Variants in TCEANC2 observed in about 807,000 individuals in gnomAD.
TCEANC2 encodes the protein transcription elongation factor A N-terminal and central domain-containing protein 2.
In TCEANC2, 20 loss-of-function variants were observed where a neutral mutation model predicts 22.8. That is an observed-to-expected ratio of 0.88 (90% CI 0.62 to 1.28). The LOEUF (loss-of-function observed/expected upper bound fraction) is 1.28. Among genes scored for constraint, TCEANC2 ranks in the 50% most tolerant of loss-of-function variants. The probability of loss-of-function intolerance (pLI) is 0.00; values close to 1 mark genes in which losing one functional copy is unlikely to be tolerated. For synonymous variants in TCEANC2, 84 were observed against 95.5 expected (o/e 0.88, Z 0.70); for missense variants, 251 against 249.7 (o/e 1.01, Z -0.03).
intron 3 of TCEANC2, among the ~76,000 whole-genome samples, chr1:54,080,278 G>C (rs1014377286): frequency 6.6e-6 from 1 of 151,938 alleles, no homozygotes; most frequent in Non-Finnish European, 1.5e-5. Context: ...CGATTAGCTG[G>C]GATTACAGGC....
At chr1:54,077,945 A>C (rs1457994197) in intron 3 of TCEANC2, among the ~76,000 whole-genome samples, 1 of 152,192 alleles carries the variant, frequency 6.6e-6, no homozygotes, top group East Asian at 1.9e-4. Flanking sequence ...CTCCAGCTTA[A>C]CTGAGGCCTT....
intron 3 of TCEANC2, among the ~76,000 whole-genome samples, chr1:54,072,395 A>T (rs927720772): frequency 1.4e-5 from 2 of 143,790 alleles, no homozygotes; most frequent in African/African-American, 2.5e-5. Flanking sequence ...TCCCCCCCAA[A>T]TTTTTTTTTT....
chr1:54,096,475 C>T lies in TCEANC2; in HGVS notation c.*2C>T. 1 of 1,592,856 alleles carries T rather than the reference C, an allele frequency of 6.3e-7. No individual in the cohort carries two copies. The highest frequency in any genetic ancestry group is 8.6e-7 in the Non-Finnish European group (1 of 1,162,378). ...TTTGTACAGACCCACAAAAAGTGAC[C>T]TGAGGACGGTTCCAGCCCTGGGCCA... On this transcript the variant is annotated 3_prime_UTR_variant, in exon 5 of 5. Transcript: ENST00000234827. The surrounding 1 kb of genome is among the most constrained non-coding windows in gnomAD (Gnocchi z 4.9).
In TCEANC2 at chr1:54,054,058, A is replaced by G. The variant is rs17101261; in HGVS notation, c.-43+300A>G. 6,434 of 321,234 alleles carry G rather than the reference A, an allele frequency of 0.02. 503 individuals carry two copies. The East Asian group carries it at 0.21, about 11-fold the overall frequency. 19.9% of individuals were successfully genotyped at this position (321,234 alleles called of 1,614,324 possible). A position where few individuals can be genotyped will look rare whatever the true frequency, so the allele number is the denominator to read the frequency against. On this transcript the variant is annotated intron_variant, in intron 1 of 4. Transcript: ENST00000234827. ...GTAATCCTAACCCTTTCACAGCCCA[A>G]TCTTATTTGGAAGAGGGCTTAGGTG...
intron 4 of TCEANC2, 71 bp downstream of exon 4, chr1:54,088,861 T>TA: frequency 8.3e-7 from 1 of 1,203,686 alleles, no homozygotes; most frequent in Non-Finnish European, 1.1e-6. Flanking sequence ...AAAATAAAGG[T>TA]AATGTCCTGG....
rs536714379 is a variant in TCEANC2 at position 54,085,712 on chromosome 1, C to T, written c.245-2885C>T. On this transcript the variant is annotated intron_variant, in intron 3 of 4. Coordinates refer to ENST00000234827, the MANE Select transcript of TCEANC2 (RefSeq NM_153035.3). ...CTACTGAGATTTTTGGTTGAGATTA[C>T]ATAAAATCTATAAACTAATTTCTTT... Among the ~76,000 whole-genome samples, 8 of 152,186 alleles carry T rather than the reference C, an allele frequency of 5.3e-5. 1 individual carries two copies. Among genetic ancestry groups the T allele is most frequent in the Middle Eastern group, 6.8e-3 (2 of 294 alleles).
rs1222123160 is a variant in TCEANC2, at chr1:54,096,620, G to A, written c.*147G>A. ...CCGTTCCTTTGCAGACAGAGGATTC[G>A]GAGAGCCCTAGGAGACAGGCCTGCA... On this transcript the variant is annotated 3_prime_UTR_variant, in exon 5 of 5. Transcript: ENST00000234827. The surrounding 1 kb of genome is among the most constrained non-coding windows in gnomAD (Gnocchi z 4.9). 13 of 1,399,396 alleles carry A rather than the reference G, an allele frequency of 9.3e-6. No homozygotes were observed. The highest frequency in any genetic ancestry group is 5.1e-5 in the East Asian group (2 of 39,458). The allele number at this position is 1,399,396 out of a possible 1,614,324, so 86.7% of individuals were successfully genotyped here. A position where few individuals can be genotyped will look rare whatever the true frequency, so the allele number is the denominator to read the frequency against.
chr1:54,108,353 T>C (rs1658790209), downstream of TCEANC2, among the ~76,000 whole-genome samples: 1 of 152,166 alleles, frequency 6.6e-6, no homozygotes, highest in East Asian at 1.9e-4. Flanking sequence ...CCCCAGAATG[T>C]GACTGTATTT....
At position 54,102,235 on chromosome 1, in the gene TCEANC2, G is replaced by A. The variant is rs1397987800; in HGVS notation, c.*5762G>A. On this transcript the variant is annotated 3_prime_UTR_variant, in exon 5 of 5. Transcript: ENST00000234827. Reference sequence around the variant, plus strand: ...AGGCTACAACACAAGTGGCCATGCGGTGTGGGACAGATGAGCTGGCAGAGC... The same window carrying A: ...AGGCTACAACACAAGTGGCCATGCGATGTGGGACAGATGAGCTGGCAGAGC... 1.3e-5 allele frequency: 2 copies of A among 152,288 alleles called. No individual in the cohort carries two copies. The highest frequency in any genetic ancestry group is 6.5e-5 in the Admixed American group (1 of 15,286). The allele number at this position is 152,288 out of a possible 1,614,324, so 9.4% of individuals were successfully genotyped here.
At chr1:54,064,570 CA>C (rs1657912591) in intron 2 of TCEANC2, among the ~76,000 whole-genome samples, 1 of 150,096 alleles carries the variant, frequency 6.7e-6, no homozygotes, top group Admixed American at 6.7e-5. Flanking sequence ...AGTGAAGTTA[CA>C]AAGTTACACC....
intron 2 of TCEANC2, among the ~76,000 whole-genome samples, chr1:54,066,915 C>T (rs1014846782): frequency 6.6e-6 from 1 of 152,182 alleles, no homozygotes; most frequent in African/African-American, 2.4e-5. Context: ...CAATGAGATT[C>T]TGGACCATCT....
intron 2 of TCEANC2, among the ~76,000 whole-genome samples, chr1:54,055,776 G>A (rs1657741034): frequency 6.6e-6 from 1 of 152,202 alleles, no homozygotes; most frequent in Non-Finnish European, 1.5e-5. Flanking sequence ...AAGCAGTGAA[G>A]GAGAGTATAA....
At chr1:54,056,383 ACTGCAACCTCTGCCTCC>A (rs1423995091) in intron 2 of TCEANC2, among the ~76,000 whole-genome samples, 1 of 151,188 alleles carries the variant, frequency 6.6e-6, no homozygotes, top group South Asian at 2.1e-4. Flanking sequence ...ATCTTGGCTC[ACTGCAACCTCTGCCTCC>A]CTGCAACCTC....
At chr1:54,107,789 C>T (rs545881198), downstream of TCEANC2, among the ~76,000 whole-genome samples, 1 of 152,256 alleles carries the variant, frequency 6.6e-6, no homozygotes, top group South Asian at 2.1e-4. Context: ...AAGGATTTTT[C>T]CTCCACAGCT....
At chr1:54,071,936 C>G (rs973570320) in intron 3 of TCEANC2, among the ~76,000 whole-genome samples, 2 of 151,984 alleles carry the variant, frequency 1.3e-5, no homozygotes, top group African/African-American at 2.4e-5. Flanking sequence ...CTCAGCCCCC[C>G]AAGTAGGTAG....
intron 2 of TCEANC2, among the ~76,000 whole-genome samples, chr1:54,059,617 C>G (rs1657814406): frequency 6.6e-6 from 1 of 152,176 alleles, no homozygotes; most frequent in South Asian, 2.1e-4. Context: ...ACGTTTGGTT[C>G]AAATATCTGT....
chr1:54,081,798 G>A (rs1021880176), intron 3 of TCEANC2, among the ~76,000 whole-genome samples: 5 of 152,182 alleles, frequency 3.3e-5, no homozygotes, highest in Admixed American at 3.3e-4. Flanking sequence ...CTCCTGACCA[G>A]TCTGGGCATG....
downstream of TCEANC2, among the ~76,000 whole-genome samples, chr1:54,110,850 G>C (rs1434202143): frequency 6.6e-6 from 1 of 152,072 alleles, no homozygotes; most frequent in Non-Finnish European, 1.5e-5. Flanking sequence ...AGCATGCCCT[G>C]ATTGCCCCGA....
chr1:54,056,425 A>T (rs1657753411), intron 2 of TCEANC2, among the ~76,000 whole-genome samples: 1 of 151,730 alleles, frequency 6.6e-6, no homozygotes, highest in Non-Finnish European at 1.5e-5. Flanking sequence ...TCCCTGGTTC[A>T]TGCGAGTCTC....
Sources: allele counts gnomAD v4.1 joint callset (sites outside exome capture counted in the v4.1 genomes callset), GRCh38; gene constraint gnomAD v4.1.1; non-coding constraint Gnocchi (gnomAD v3.1); transcripts MANE v1.5; gene names NCBI Gene and HGNC (gene_info 2026-07-23, HGNC 2026-07-21).